TWSG1: variants seen among roughly 807,000 people sequenced by gnomAD.
TWSG1 encodes twisted gastrulation BMP signaling modulator 1.
Under a neutral mutation model 23.0 loss-of-function variants are expected in TWSG1, and 15 were observed. That is an observed-to-expected ratio of 0.65 (90% CI 0.44 to 1.00). The LOEUF (loss-of-function observed/expected upper bound fraction) is 1.00. Among genes scored for constraint, TWSG1 ranks in the 50% least tolerant of loss-of-function variants. The probability of loss-of-function intolerance (pLI) is 0.00; values close to 1 mark genes in which losing one functional copy is unlikely to be tolerated. For synonymous variants in TWSG1, 86 were observed against 92.8 expected, an observed-to-expected ratio of 0.93 and a Z score of 0.42; for missense variants, 242 against 278.7, an observed-to-expected ratio of 0.87 and a Z score of 0.94.
chr18:9,371,421 C>T (rs1465681812), intron 3 of TWSG1, among the ~76,000 whole-genome samples: 15 of 151,704 alleles, frequency 9.9e-5, no homozygotes, highest in African/African-American at 3.4e-4. Context: ...CTCATCCTCC[C>T]GAGTAGCTAG....
Position 9,397,542 on chromosome 18 carries a change from A to G in TWSG1, c.490+996A>G, listed in dbSNP as rs1171865216. Among the ~76,000 whole-genome samples, 3 of 152,254 alleles carry G rather than the reference A, an allele frequency of 2.0e-5. No homozygotes were observed. The East Asian group carries it at 5.8e-4, about 29-fold the overall frequency. ...GTAAAGAGCATGTGACTTTTATAAA[A>G]TCTTTGATATTTTTTGACAAAAGGC... On this transcript the variant is annotated intron_variant, in intron 4 of 4. Transcript: ENST00000262120.
At chr18:9,359,561 A>G (rs527880679) in intron 2 of TWSG1, among the ~76,000 whole-genome samples, 2 of 152,330 alleles carry the variant, frequency 1.3e-5, no homozygotes, top group South Asian at 4.1e-4. Flanking sequence ...TAAAAATAGA[A>G]TTTCCAAAGT....
chr18:9,372,931 A>C (rs1598829674), intron 3 of TWSG1, among the ~76,000 whole-genome samples: 1 of 152,226 alleles, frequency 6.6e-6, no homozygotes, highest in South Asian at 2.1e-4. Context: ...TTTGAACATC[A>C]GTGGTCTAAA....
At chr18:9,339,346 T>A (rs1259327937) in intron 2 of TWSG1, among the ~76,000 whole-genome samples, 3 of 152,204 alleles carry the variant, frequency 2.0e-5, no homozygotes, top group African/African-American at 7.2e-5. Flanking sequence ...TTTGGCTCTA[T>A]TACAGCTTAC....
chr18:9,365,303 C>CA (rs1162243052), intron 3 of TWSG1, among the ~76,000 whole-genome samples: 1 of 151,980 alleles, frequency 6.6e-6, no homozygotes, highest in East Asian at 1.9e-4. Flanking sequence ...GCCTGGGCAA[C>CA]AGAGTAAGAC....
chr18:9,350,474 A>G (rs1439649934), intron 2 of TWSG1, among the ~76,000 whole-genome samples: 2 of 152,210 alleles, frequency 1.3e-5, no homozygotes, highest in African/African-American at 4.8e-5. Context: ...CTCAGCCTCA[A>G]CAGTGATCAA....
chr18:9,369,953 C>G (rs925060179), intron 3 of TWSG1, among the ~76,000 whole-genome samples: 1 of 152,128 alleles, frequency 6.6e-6, no homozygotes, highest in African/African-American at 2.4e-5. Context: ...TGTGCAGAAG[C>G]TTTTTACTTT....
intron 2 of TWSG1, among the ~76,000 whole-genome samples, chr18:9,344,100 CTTA>C (rs2040462190): frequency 6.6e-6 from 1 of 152,146 alleles, no homozygotes; most frequent in Admixed American, 6.5e-5. Context: ...GAGACAGGAT[CTTA>C]TTATGTTGCC....
At chr18:9,341,601 GTCATAGC>G (rs2145591388) in intron 2 of TWSG1, among the ~76,000 whole-genome samples, 1 of 152,098 alleles carries the variant, frequency 6.6e-6, no homozygotes, top group South Asian at 2.1e-4. Context: ...AACAGATAAG[GTCATAGC>G]TCATCATGTC....
At chr18:9,344,956 A>G (rs1406458202) in intron 2 of TWSG1, among the ~76,000 whole-genome samples, 1 of 152,022 alleles carries the variant, frequency 6.6e-6, no homozygotes, top group Non-Finnish European at 1.5e-5. Flanking sequence ...GGGGGGTCTC[A>G]CTGTATTGCC....
At chr18:9,396,718 A>C in intron 4 of TWSG1, 172 bp downstream of exon 4, 1 of 768,400 alleles carries the variant, frequency 1.3e-6, no homozygotes, top group Non-Finnish European at 1.9e-6. Context: ...CTAGAGGCAC[A>C]TGCCAGAAGG....
chr18:9,360,525 T>G (rs1168496656), intron 3 of TWSG1, among the ~76,000 whole-genome samples: 1 of 152,180 alleles, frequency 6.6e-6, no homozygotes, highest in African/African-American at 2.4e-5. Flanking sequence ...TGTCAGCCCT[T>G]CTCTGACCAG....
chr18:9,389,569 T>A (rs1169698352), intron 3 of TWSG1, among the ~76,000 whole-genome samples: 1 of 152,220 alleles, frequency 6.6e-6, no homozygotes, highest in Non-Finnish European at 1.5e-5. Flanking sequence ...ACCTAAGTTA[T>A]TCAAGTTCAG....
intron 3 of TWSG1, among the ~76,000 whole-genome samples, chr18:9,381,353 G>A (rs2060351429): frequency 1.3e-5 from 2 of 152,142 alleles, no homozygotes; most frequent in Admixed American, 6.5e-5. Flanking sequence ...CTTTTGTGCT[G>A]TGTTGTAGTG....
chr18:9,341,294 T>C (rs2040445385), intron 2 of TWSG1, among the ~76,000 whole-genome samples: 1 of 152,230 alleles, frequency 6.6e-6, no homozygotes, highest in Non-Finnish European at 1.5e-5. Flanking sequence ...AAAATTTTCT[T>C]CTAGTTCTAG....
At chr18:9,356,299 CT>C (rs1318544441) in intron 2 of TWSG1, among the ~76,000 whole-genome samples, 1 of 152,144 alleles carries the variant, frequency 6.6e-6, no homozygotes, top group Admixed American at 6.5e-5. Context: ...ATCTTCAGAG[CT>C]AGATAACCTG....
chr18:9,378,844 T>C (rs1250551937), intron 3 of TWSG1, among the ~76,000 whole-genome samples: 1 of 151,126 alleles, frequency 6.6e-6, no homozygotes, highest in Non-Finnish European at 1.5e-5. Context: ...AGCTGGGCAT[T>C]GTGGCTCACA....
At chr18:9,382,814 A>AAAAGAC (rs1568038408) in intron 3 of TWSG1, among the ~76,000 whole-genome samples, 1 of 137,070 alleles carries the variant, frequency 7.3e-6, no homozygotes, top group Admixed American at 7.5e-5. Context: ...CTCAAAAAAA[A>AAAAGAC]AAAAACAAAA....
intron 1 of TWSG1, among the ~76,000 whole-genome samples, chr18:9,335,891 C>A (rs796417275): frequency 6.6e-6 from 1 of 152,154 alleles, no homozygotes; most frequent in Admixed American, 6.5e-5. Context: ...ATCCCTCTTA[C>A]GTCAGTAGTC....
Sources: allele counts gnomAD v4.1 joint callset (sites outside exome capture counted in the v4.1 genomes callset), GRCh38; gene constraint gnomAD v4.1.1; transcripts MANE v1.5; gene names NCBI Gene and HGNC (gene_info 2026-07-23, HGNC 2026-07-21).